The following GALC variants were observed in gnomAD, a reference collection of about 807,000 sequenced individuals.
GALC encodes galactosylceramidase.
In GALC, 77 loss-of-function variants were observed where a neutral mutation model predicts 91.8. That is an observed-to-expected ratio of 0.84 (90% CI 0.70 to 1.01). The LOEUF (loss-of-function observed/expected upper bound fraction) is 1.01. Among genes scored for constraint, GALC ranks in the 50% least tolerant of loss-of-function variants. The pLI is 0.00. For synonymous variants in GALC, 357 were observed against 306.7 expected (o/e 1.16, Z -1.71); for missense variants, 882 against 855.9 (o/e 1.03, Z -0.38).
In GALC at chr14:87,934,397, T is replaced by G. The variant is rs115707123; in HGVS notation, c.*335A>C. On this transcript the variant is annotated 3_prime_UTR_variant, in exon 17 of 17. Coordinates refer to ENST00000261304, the MANE Select transcript of GALC (RefSeq NM_000153.4). Reference sequence around the variant, plus strand: ...AGTTACTGCCATCTACAGGACCGCTTGCAAATAAGATGAAGAGAGCTACCT... The same window carrying G: ...AGTTACTGCCATCTACAGGACCGCTGGCAAATAAGATGAAGAGAGCTACCT... The G allele has an allele frequency of 9.3e-4, 1,181 of 1,271,376 alleles. 5 individuals carry two copies. In the African/African-American group the frequency reaches 0.016, roughly 18 times the overall value. 78.8% of individuals were successfully genotyped at this position (1,271,376 alleles called of 1,614,324 possible). A position where few individuals can be genotyped will look rare whatever the true frequency, so the allele number is the denominator to read the frequency against.
rs188934153 is a variant in GALC at position 87,933,107 on chromosome 14, T to C, written c.*1625A>G. 5 of 152,044 alleles carry C rather than the reference T, an allele frequency of 3.3e-5. No homozygotes were observed. In the East Asian group the frequency reaches 5.8e-4, roughly 18 times the overall value. The allele number at this position is 152,044 out of a possible 1,614,324, so 9.4% of individuals were successfully genotyped here. Reference sequence around the variant, plus strand: ...CATACAATGGAAAACTCTTCAGAAATAAGAAGGAACAAACCACTGAATCAC... The same window carrying C: ...CATACAATGGAAAACTCTTCAGAAACAAGAAGGAACAAACCACTGAATCAC... On this transcript the variant is annotated 3_prime_UTR_variant, in exon 17 of 17. Coordinates refer to ENST00000261304, the MANE Select transcript of GALC (RefSeq NM_000153.4).
At chr14:87,953,525 C>T (rs1885395659) in intron 10 of GALC, 2 of 1,608,602 alleles carry the variant, frequency 1.2e-6, no homozygotes, top group African/African-American at 1.3e-5. Context: ...CTTTTCAGTT[C>T]TGAAGATGAA....
At chr14:87,960,684 C>G (rs1595210357) in intron 10 of GALC, among the ~76,000 whole-genome samples, 1 of 152,090 alleles carries the variant, frequency 6.6e-6, no homozygotes, top group East Asian at 1.9e-4. Context: ...AAATTTATTG[C>G]CAATTGATTT....
chr14:87,945,162 A>G (rs1256376611), intron 14 of GALC, among the ~76,000 whole-genome samples: 3 of 151,950 alleles, frequency 2.0e-5, no homozygotes, highest in Non-Finnish European at 4.4e-5. Flanking sequence ...GTGTAATTCT[A>G]AGATTGGTCC....
intron 10 of GALC, chr14:87,953,779 C>T (rs1885405922): frequency 2.5e-6 from 4 of 1,604,398 alleles, no homozygotes; most frequent in Non-Finnish European, 3.4e-6. Context: ...TAAAAAAAGT[C>T]ATTAATAAAA....
chr14:87,988,389 T>C (rs1453298282), intron 2 of GALC, 66 bp downstream of exon 2: 6 of 1,302,242 alleles, frequency 4.6e-6, no homozygotes, highest in East Asian at 2.3e-5. Context: ...ATAAATTCTA[T>C]GGTGAAATTC....
At position 87,934,299 on chromosome 14, in the gene GALC, T is replaced by C; in HGVS notation, c.*433A>G. 7.7e-7 allele frequency: 1 copy of C among 1,290,418 alleles called. No individual in the cohort carries two copies. The highest frequency in any genetic ancestry group is 9.9e-7 in the Non-Finnish European group (1 of 1,013,924). 79.9% of individuals were successfully genotyped at this position (1,290,418 alleles called of 1,614,324 possible). A position where few individuals can be genotyped will look rare whatever the true frequency, so the allele number is the denominator to read the frequency against. ...TCTTCAGCTTTCTATTATGGCAGCA[T>C]CATCTTGTGATGAAGACACTGGCTC... On this transcript the variant is annotated 3_prime_UTR_variant, in exon 17 of 17. Transcript: ENST00000261304.
chr14:87,979,833 C>G (rs1373162029), intron 6 of GALC, among the ~76,000 whole-genome samples: 1 of 152,186 alleles, frequency 6.6e-6, no homozygotes, highest in African/African-American at 2.4e-5. Flanking sequence ...CATGCACCAA[C>G]TTGGCTTCTG....
At chr14:87,960,285 T>A (rs1480180823) in intron 10 of GALC, among the ~76,000 whole-genome samples, 3 of 151,928 alleles carry the variant, frequency 2.0e-5, no homozygotes, top group Non-Finnish European at 1.5e-5. Flanking sequence ...CAGGAAGAGG[T>A]CGGTCAACAG....
chr14:87,976,742 G>A (rs1230783596), intron 6 of GALC: 3 of 404,430 alleles, frequency 7.4e-6, no homozygotes, highest in South Asian at 4.3e-5. Flanking sequence ...AGCCTCCCAA[G>A]TAGCTGGGAT....
chr14:87,933,914 G>T lies in GALC; in HGVS notation c.*818C>A. ...AGTCTGTTACCAGTGCACATGTGAG[G>T]ACAGACCACAGCACAGTGAGATGAG... is the stretch of plus-strand genomic sequence containing the variant. On this transcript the variant is annotated 3_prime_UTR_variant, in exon 17 of 17. Coordinates refer to ENST00000261304, the MANE Select transcript of GALC (RefSeq NM_000153.4). 1 of 1,343,416 alleles carries T rather than the reference G, an allele frequency of 7.4e-7. No homozygotes were observed. Among genetic ancestry groups the T allele is most frequent in the Non-Finnish European group, 1.0e-6 (1 of 971,604 alleles). 83.2% of individuals were successfully genotyped at this position (1,343,416 alleles called of 1,614,324 possible). A position where few individuals can be genotyped will look rare whatever the true frequency, so the allele number is the denominator to read the frequency against.
At position 87,987,977 on chromosome 14, in the gene GALC, T is replaced by C. The variant is rs1278766171; in HGVS notation, c.328+167A>G. ...TTTGATGGACCAGTCATATTCTATA[T>C]AATATTTTTAAATAATTACAGTTAA... On this transcript the variant is annotated intron_variant, in intron 3 of 16. Transcript: ENST00000261304. 6 of 620,108 alleles carry C rather than the reference T, an allele frequency of 9.7e-6. No individual in the cohort carries two copies. The South Asian group carries it at 9.9e-5, about 10-fold the overall frequency. The allele number at this position is 620,108 out of a possible 1,614,324, so 38.4% of individuals were successfully genotyped here. A position where few individuals can be genotyped will look rare whatever the true frequency, so the allele number is the denominator to read the frequency against.
intron 1 of GALC, among the ~76,000 whole-genome samples, chr14:87,989,204 GT>G (rs1468359172): frequency 1.3e-5 from 2 of 152,154 alleles, no homozygotes; most frequent in African/African-American, 4.8e-5. Flanking sequence ...AAAGAGGCCG[GT>G]TTTTGGCATG....
intron 10 of GALC, among the ~76,000 whole-genome samples, chr14:87,960,769 T>C (rs1440824052): frequency 6.6e-6 from 1 of 152,114 alleles, no homozygotes; most frequent in Non-Finnish European, 1.5e-5. Context: ...CAACTGGATA[T>C]TAAAATGCAA....
Position 87,969,646 on chromosome 14 carries a change from A to G in GALC, c.753-1156T>C, listed in dbSNP as rs73329365. Among the ~76,000 whole-genome samples the G allele has an allele frequency of 3.3e-4, 50 of 152,334 alleles. 1 individual carries two copies. Among genetic ancestry groups the G allele is most frequent in the African/African-American group, 1.2e-3 (50 of 41,570 alleles). ...AAAATAATGGAGATTAAGTTATATC[A>G]TAATTCTAATCTTTGTAGTTTGGTG... is the stretch of plus-strand genomic sequence containing the variant. On this transcript the variant is annotated intron_variant, in intron 7 of 16. Transcript: ENST00000261304.
chr14:87,955,781 G>C (rs1206836455), intron 10 of GALC, among the ~76,000 whole-genome samples: 1 of 151,856 alleles, frequency 6.6e-6, no homozygotes, highest in Non-Finnish European at 1.5e-5. Flanking sequence ...TCTAGGATTT[G>C]AGTGCCTTAC....
At chr14:87,939,375 C>G (rs998163082) in intron 16 of GALC, among the ~76,000 whole-genome samples, 1 of 151,886 alleles carries the variant, frequency 6.6e-6, no homozygotes, top group African/African-American at 2.4e-5. Context: ...CACAGCATCC[C>G]TTGGAAGCAC....
At position 87,933,691 on chromosome 14, in the gene GALC, G is replaced by A; in HGVS notation, c.*1041C>T. ...CTTTACCTACATGAATAACTGATTT[G>A]CTACATAGAGCCACATTAATGCTTA... On this transcript the variant is annotated 3_prime_UTR_variant, in exon 17 of 17. Coordinates refer to ENST00000261304, the MANE Select transcript of GALC (RefSeq NM_000153.4). The A allele has an allele frequency of 3.0e-6, 1 of 328,392 alleles. No homozygotes were observed. The allele number at this position is 328,392 out of a possible 1,614,324, so 20.3% of individuals were successfully genotyped here. A position where few individuals can be genotyped will look rare whatever the true frequency, so the allele number is the denominator to read the frequency against.
chr14:87,966,628 TG>T (rs1400739721), intron 8 of GALC, among the ~76,000 whole-genome samples: 21 of 152,218 alleles, frequency 1.4e-4, no homozygotes, highest in Non-Finnish European at 2.9e-5. Context: ...CTTATAATTT[TG>T]CCCATGGTTT....
Sources: gnomAD v4.1 joint callset for allele counts (sites outside exome capture counted in the v4.1 genomes callset) on GRCh38, gnomAD v4.1.1 for gene constraint, MANE v1.5 for transcripts, NCBI Gene and HGNC (gene_info 2026-07-23, HGNC 2026-07-21) for gene names.